Variants in CUX2 observed in about 807,000 individuals in gnomAD.
CUX2 encodes homeobox protein cut-like 2.
CUX2 carries 40 observed loss-of-function variants against 144.8 expected under a neutral mutation model. The ratio of observed to expected loss-of-function variants is 0.28; its 90% confidence interval spans 0.21 to 0.36. CUX2 has a LOEUF of 0.36. CUX2 is among the 10% of genes least tolerant of loss of function. The pLI is 1.00. For missense variants in CUX2, 1,615 were observed against 1,994.0 expected, an observed-to-expected ratio of 0.81 and a Z score of 3.62; for synonymous variants, 827 against 875.6, an observed-to-expected ratio of 0.94 and a Z score of 0.98.
chr12:111,099,733 C>G, intron 1 of CUX2: 1 of 456,010 alleles, frequency 2.2e-6, no homozygotes, highest in South Asian at 1.6e-5. Context: ...GGCGCCGAAA[C>G]TGGGGCCTGC....
chr12:111,058,491 T>C (rs78198087), intron 1 of CUX2, among the ~76,000 whole-genome samples: 6,011 of 152,152 alleles, frequency 0.04, 414 homozygotes, highest in African/African-American at 0.14. Context: ...GATTTTTACC[T>C]CCATTTCCCT....
At chr12:111,038,850 A>G in intron 1 of CUX2, among the ~76,000 whole-genome samples, 1 of 152,186 alleles carries the variant, frequency 6.6e-6, no homozygotes, top group South Asian at 2.1e-4. Context: ...AAAAGAAGCA[A>G]ATAAGTGTCT....
rs950076257 is a variant in CUX2, at chr12:111,255,830, T to C, written c.223-7931T>C. Among the ~76,000 whole-genome samples the C allele has an allele frequency of 2.0e-5, 3 of 152,090 alleles. No homozygotes were observed. The highest frequency in any genetic ancestry group is 6.5e-5 in the Admixed American group (1 of 15,270). On this transcript the variant is annotated intron_variant, in intron 3 of 21. Transcript: ENST00000261726. This position sits in a 1 kb window ranked among gnomAD's most constrained non-coding sequence, Gnocchi z 4.1. ...CCAATCGAAGTAGCTGTTACCCCCA[T>C]TTTCCGGGTGGTAGGAAATCAGAAG...
rs80335880 is a variant in CUX2 at position 111,287,657 on chromosome 12, G to T, written c.302-3761G>T. ...GAGACATAATGGCATACCCTGCTGC[G>T]CAGGCCCTGCCTAATGACGGGGCGT... On this transcript the variant is annotated intron_variant, in intron 4 of 21. Coordinates refer to ENST00000261726, the MANE Select transcript of CUX2 (RefSeq NM_015267.4). This position sits in a 1 kb window ranked among gnomAD's most constrained non-coding sequence, Gnocchi z 4.2. 0.012 allele frequency among the ~76,000 whole-genome samples: 1,758 copies of T among 152,294 alleles called. 15 individuals are homozygous for T. The highest frequency in any genetic ancestry group is 0.018 in the Non-Finnish European group (1,214 of 68,028).
At chr12:111,298,366 C>T (rs1361710045) in intron 8 of CUX2, among the ~76,000 whole-genome samples, 175 bp from the exon 9 acceptor site, 1 of 152,148 alleles carries the variant, frequency 6.6e-6, no homozygotes, top group African/African-American at 2.4e-5. Context: ...GCAGTGCTGA[C>T]GCCCTACTCC....
chr12:111,276,241 T>C (rs562261351), intron 4 of CUX2, among the ~76,000 whole-genome samples: 17 of 152,110 alleles, frequency 1.1e-4, no homozygotes, highest in African/African-American at 3.9e-4. Flanking sequence ...TAGTCCTAGC[T>C]ACTTGGGGAG....
At chr12:111,138,666 T>C (rs1876087976) in intron 1 of CUX2, among the ~76,000 whole-genome samples, 1 of 152,082 alleles carries the variant, frequency 6.6e-6, no homozygotes, top group Non-Finnish European at 1.5e-5. Context: ...GGGACATTGT[T>C]GGTGGCCCAC....
chr12:111,187,735 C>A (rs1879636767), intron 1 of CUX2, among the ~76,000 whole-genome samples: 1 of 152,232 alleles, frequency 6.6e-6, no homozygotes, highest in South Asian at 2.1e-4. Flanking sequence ...CCTGGGGTTT[C>A]TGTGGCCCCC....
chr12:111,243,645 G>A (rs531122788), intron 3 of CUX2, among the ~76,000 whole-genome samples: 11 of 151,614 alleles, frequency 7.3e-5, no homozygotes, highest in Non-Finnish European at 1.0e-4. Context: ...CTGGGACTAC[G>A]GGCATGCACC....
At chr12:111,249,714 T>C (rs1315821326) in intron 3 of CUX2, among the ~76,000 whole-genome samples, 7 of 152,082 alleles carry the variant, frequency 4.6e-5, no homozygotes, top group Non-Finnish European at 1.0e-4. Context: ...GCCTTGAGCC[T>C]TCCAAAGTGC....
chr12:111,303,146 G>A (rs1005331393), intron 9 of CUX2, among the ~76,000 whole-genome samples: 2 of 147,798 alleles, frequency 1.4e-5, no homozygotes, highest in African/African-American at 5.1e-5. Flanking sequence ...AATTGATCCC[G>A]GGAGTTGGAG....
intron 3 of CUX2, among the ~76,000 whole-genome samples, chr12:111,245,343 C>CT (rs1266056923): frequency 6.6e-6 from 1 of 151,356 alleles, no homozygotes; most frequent in Non-Finnish European, 1.5e-5. Context: ...TGAGACCACC[C>CT]TGGGCAACAT....
chr12:111,320,099 T>C lies in CUX2; in HGVS notation c.2090T>C (p.Leu697Pro). The C allele has an allele frequency of 6.4e-7, 1 of 1,558,584 alleles. No homozygotes were observed. The highest frequency in any genetic ancestry group is 8.7e-7 in the Non-Finnish European group (1 of 1,155,492). Residue 697 changes from leucine (L) to proline (P), a missense_variant, in exon 17 of 22, where the codon CTG becomes CCG. This residue lies in a region of CUX2 where 390 missense variants were observed against 387.1 expected (regional missense o/e 1.01). Transcript: ENST00000261726. The surrounding 1 kb of genome is among the most constrained non-coding windows in gnomAD (Gnocchi z 8.1). ...STSEDAIKSILEQARREMQAQ... is the reference protein window; with the variant it reads ...STSEDAIKSIPEQARREMQAQ... Reference sequence around the variant, plus strand: ...TCGGAGGACGCCATCAAGAGCATCCTGGAGCAGGCACGCCGTGAGATGCAG... The same window carrying C: ...TCGGAGGACGCCATCAAGAGCATCCCGGAGCAGGCACGCCGTGAGATGCAG...
At chr12:111,167,071 G>T (rs1032187150) in intron 1 of CUX2, among the ~76,000 whole-genome samples, 18 of 152,182 alleles carry the variant, frequency 1.2e-4, no homozygotes, top group African/African-American at 4.3e-4. Context: ...GAGAGCGCCA[G>T]CACTGTCACA....
At chr12:111,225,782 T>C (rs538233953) in intron 3 of CUX2, among the ~76,000 whole-genome samples, 2 of 152,334 alleles carry the variant, frequency 1.3e-5, no homozygotes, top group East Asian at 3.9e-4. Context: ...TCAGGCAGAA[T>C]CTGCCAGGAA....
At chr12:111,090,599 G>A (rs1179067965) in intron 1 of CUX2, among the ~76,000 whole-genome samples, 2 of 152,034 alleles carry the variant, frequency 1.3e-5, no homozygotes, top group African/African-American at 2.4e-5. Context: ...TTTGGTCTCT[G>A]TAAAACAGAG....
At chr12:111,070,502 C>T (rs1351808484) in intron 1 of CUX2, among the ~76,000 whole-genome samples, 5 of 151,122 alleles carry the variant, frequency 3.3e-5, no homozygotes, top group Non-Finnish European at 5.9e-5. Flanking sequence ...ACAACAAAAT[C>T]GAGAGTTGCC....
chr12:111,263,766 G>C lies in CUX2; in HGVS notation c.228G>C (p.Val76=), dbSNP rs1180656473. ...PVLKSFQAEV[V]ALSKRSQEAE... Reference sequence around the variant, plus strand: ...TTCTCTTGTTGTCTCCAAAGGTGGTGGCCCTTAGTAAGAGAAGTCAGGAGG... The same window carrying C: ...TTCTCTTGTTGTCTCCAAAGGTGGTCGCCCTTAGTAAGAGAAGTCAGGAGG... Residue 76 remains valine (V), a synonymous_variant, in exon 4 of 22, where the codon GTG becomes GTC. Coordinates refer to ENST00000261726, the MANE Select transcript of CUX2 (RefSeq NM_015267.4). The surrounding 1 kb of genome is among the most constrained non-coding windows in gnomAD (Gnocchi z 4.0). 1.2e-6 allele frequency: 2 copies of C among 1,613,592 alleles called. No homozygotes were observed. Among genetic ancestry groups the C allele is most frequent in the South Asian group, 2.2e-5 (2 of 91,062 alleles).
chr12:111,183,092 C>T (rs796239947), intron 1 of CUX2, among the ~76,000 whole-genome samples: 2 of 152,232 alleles, frequency 1.3e-5, no homozygotes, highest in African/African-American at 4.8e-5. Context: ...CAAGGTCACA[C>T]AGCTAAGAAT....
Sources: allele counts gnomAD v4.1 joint callset (sites outside exome capture counted in the v4.1 genomes callset), GRCh38; gene constraint gnomAD v4.1.1; regional missense constraint gnomAD v4.1.1; non-coding constraint Gnocchi (gnomAD v3.1); transcripts MANE v1.5; gene names NCBI Gene and HGNC (gene_info 2026-07-23, HGNC 2026-07-21).